The following ITGAE variants were observed in gnomAD, a reference collection of about 807,000 sequenced individuals.
ITGAE encodes the protein integrin subunit alpha E, also known as integrin alpha-E.
ITGAE carries 99 observed loss-of-function variants against 136.5 expected under a neutral mutation model. The ratio of observed to expected loss-of-function variants is 0.73; its 90% CI spans 0.62 to 0.86. The LOEUF is 0.86. Ranked by LOEUF, ITGAE falls within the 40% of genes least tolerant of loss-of-function variation. The pLI, the probability that ITGAE is intolerant of heterozygous loss-of-function variation, is 0.00. For missense variants in ITGAE, 1,447 were observed against 1,515.3 expected (o/e 0.95, Z 0.75); for synonymous variants, 613 against 591.8 (o/e 1.04, Z -0.52).
At chr17:3,741,568 C>G (rs1267700958) in intron 19 of ITGAE, among the ~76,000 whole-genome samples, 2 of 152,108 alleles carry the variant, frequency 1.3e-5, no homozygotes, top group Non-Finnish European at 2.9e-5. Flanking sequence ...TTTTAAAAAT[C>G]TCTTTGCCAT....
rs183128688 is a variant in ITGAE, at chr17:3,779,473, G to A, written c.35-1813C>T. On this transcript the variant is annotated intron_variant, in intron 1 of 30. Coordinates refer to ENST00000263087, the MANE Select transcript of ITGAE (RefSeq NM_002208.5). ...CTCCCACATAGCTGGGATTACAGGC[G>A]CCTGCCACCATGCCCGGCTAATTTT... 5.4e-4 allele frequency among the ~76,000 whole-genome samples: 82 copies of A among 151,526 alleles called. 1 individual carries two copies. The South Asian group carries it at 0.014, about 26-fold the overall frequency.
At chr17:3,728,753 C>T (rs1020208267) in intron 24 of ITGAE, among the ~76,000 whole-genome samples, 12 of 150,326 alleles carry the variant, frequency 8.0e-5, no homozygotes, top group African/African-American at 2.0e-4. Flanking sequence ...GGAATGAGGC[C>T]GGGTGCAGTG....
chr17:3,761,791 G>C (rs751811631), intron 4 of ITGAE, 124 bp downstream of exon 4: 66 of 865,886 alleles, frequency 7.6e-5, no homozygotes, highest in Non-Finnish European at 1.2e-4. Context: ...GTTGGCACCA[G>C]GGAGACGCTA....
At position 3,739,442 on chromosome 17, in the gene ITGAE, G is replaced by C. The variant is rs1461006915; in HGVS notation, c.2522+363C>G. ...GATTGATTAGTTAATTTGGCCAAGAGGTGGGCCGGGAAAGAGGTTACCTCT... is the reference window on the plus strand; with the variant it reads ...GATTGATTAGTTAATTTGGCCAAGACGTGGGCCGGGAAAGAGGTTACCTCT... On this transcript the variant is annotated intron_variant, in intron 20 of 30. Coordinates refer to ENST00000263087, the MANE Select transcript of ITGAE (RefSeq NM_002208.5). 4.6e-5 allele frequency among the ~76,000 whole-genome samples: 7 copies of C among 152,346 alleles called. No homozygotes were observed. The East Asian group carries it at 1.2e-3, about 25-fold the overall frequency.
At position 3,751,717 on chromosome 17, in the gene ITGAE, C is replaced by A; in HGVS notation, c.1826G>T (p.Gly609Val). 1.2e-6 allele frequency: 2 copies of A among 1,614,056 alleles called. No homozygotes were observed. Among genetic ancestry groups the A allele is most frequent in the Non-Finnish European group, 1.7e-6 (2 of 1,179,986 alleles). ...GATATACACACTGCCGAAGCTGGCA[C>A]CATCATCTGCCCCAAAACCTTCCAG... is the stretch of plus-strand genomic sequence containing the variant. ...APLEGFGADD[G>V]ASFGSVYIYN... Residue 609 changes from glycine to valine, a missense_variant, in exon 15 of 31, where the codon GGT becomes GTT. By Grantham distance (109) the Gly-to-Val change is moderately radical (BLOSUM62 -3). Transcript: ENST00000263087.
Position 3,743,594 on chromosome 17 carries a change from G to A in ITGAE, c.2343C>T (p.Ser781=), listed in dbSNP as rs762956018. 6.2e-7 allele frequency: 1 copy of A among 1,613,460 alleles called. No homozygotes were observed. The highest frequency in any genetic ancestry group is 8.5e-7 in the Non-Finnish European group (1 of 1,179,766). Residue 781 remains serine (S), a synonymous_variant, in exon 19 of 31, where the codon TCC becomes TCT. Coordinates refer to ENST00000263087, the MANE Select transcript of ITGAE (RefSeq NM_002208.5). The part of the protein sequence containing the change: ...EGELCEEDCF[S]NASVKVSYQL... ...GGTAGCTGACTTTGACACTGGCATT[G>A]GAGAAGCAGTCCTCCTCACAGAGCT...
intron 28 of ITGAE, among the ~76,000 whole-genome samples, chr17:3,722,131 A>C (rs1269641039): frequency 6.6e-6 from 1 of 151,384 alleles, no homozygotes; most frequent in Non-Finnish European, 1.5e-5. Context: ...GTGAGCCGAG[A>C]TCGTGCCATT....
At chr17:3,725,597 A>C in intron 26 of ITGAE, 1 of 1,614,174 alleles carries the variant, frequency 6.2e-7, no homozygotes. Flanking sequence ...ACCGCACAGA[A>C]GGCTTTATCG....
At position 3,760,242 on chromosome 17, in the gene ITGAE, G is replaced by C. The variant is rs2052132025; in HGVS notation, c.644C>G (p.Pro215Arg). Residue 215 changes from proline (P) to arginine (R), a missense_variant, in exon 7 of 31, where the codon CCC becomes CGC. Physicochemically the swap from Pro to Arg is moderately radical, Grantham distance 103. Transcript: ENST00000263087. ...GTCTTTGGCTCTCTGAAAGTCTGGG[G>C]GATCAATGCTTCCTGAGCCATCCAG... ...IILDGSGSID[P>R]PDFQRAKDFI... 1 of 1,613,692 alleles carries C rather than the reference G, an allele frequency of 6.2e-7. No homozygotes were observed.
chr17:3,779,312 G>A (rs1177943064), intron 1 of ITGAE, among the ~76,000 whole-genome samples: 1 of 145,556 alleles, frequency 6.9e-6, no homozygotes, highest in African/African-American at 2.6e-5. Context: ...ACTTAAGTCA[G>A]CAATTTATTT....
intron 18 of ITGAE, among the ~76,000 whole-genome samples, chr17:3,744,308 G>T (rs1186553319): frequency 6.6e-6 from 1 of 152,138 alleles, no homozygotes; most frequent in Non-Finnish European, 1.5e-5. Context: ...CAAGTGCTTT[G>T]GGAAAAATCT....
chr17:3,768,845 T>C (rs762025762), intron 2 of ITGAE, among the ~76,000 whole-genome samples: 14 of 152,160 alleles, frequency 9.2e-5, no homozygotes, highest in Middle Eastern at 3.2e-3. Flanking sequence ...TCCCAGGGTC[T>C]GGAGCAATGC....
chr17:3,799,714 T>A lies in ITGAE; in HGVS notation c.34+1397A>T, dbSNP rs2143570109. Reference sequence around the variant, plus strand: ...TCAAAGCCACAAGCCATAAAAAGAGTGAGACTCTCTCCACACCCCACATGT... The same window carrying A: ...TCAAAGCCACAAGCCATAAAAAGAGAGAGACTCTCTCCACACCCCACATGT... On this transcript the variant is annotated intron_variant, in intron 1 of 30. Coordinates refer to ENST00000263087, the MANE Select transcript of ITGAE (RefSeq NM_002208.5). The surrounding 1 kb of genome is among the most constrained non-coding windows in gnomAD (Gnocchi z 4.1). Among the ~76,000 whole-genome samples, 1 of 152,080 alleles carries A rather than the reference T, an allele frequency of 6.6e-6. No individual in the cohort carries two copies. The highest frequency in any genetic ancestry group is 1.5e-5 in the Non-Finnish European group (1 of 67,984).
intron 2 of ITGAE, among the ~76,000 whole-genome samples, chr17:3,772,780 C>T (rs2052457282): frequency 6.6e-6 from 1 of 152,066 alleles, no homozygotes; most frequent in African/African-American, 2.4e-5. Flanking sequence ...AGACTTTTGA[C>T]TGCACCGATG....
chr17:3,768,429 A>G (rs2052348454), intron 2 of ITGAE, among the ~76,000 whole-genome samples: 1 of 151,942 alleles, frequency 6.6e-6, no homozygotes, highest in Admixed American at 6.6e-5. Flanking sequence ...AGTTTCAGGC[A>G]TGAGCCACAG....
At chr17:3,762,209 G>A (rs1425274720) in intron 3 of ITGAE, among the ~76,000 whole-genome samples, 3 of 152,182 alleles carry the variant, frequency 2.0e-5, no homozygotes, top group East Asian at 1.9e-4. Context: ...CTTTCAACAC[G>A]TGCCCATTGA....
At chr17:3,749,383 G>A (rs2051804763) in intron 16 of ITGAE, among the ~76,000 whole-genome samples, 1 of 151,952 alleles carries the variant, frequency 6.6e-6, no homozygotes, top group Non-Finnish European at 1.5e-5. Flanking sequence ...CTCCCGAGTC[G>A]CTGGGACTAT....
intron 1 of ITGAE, among the ~76,000 whole-genome samples, chr17:3,797,382 G>A (rs1409182042): frequency 6.6e-6 from 1 of 150,816 alleles, no homozygotes; most frequent in Admixed American, 6.6e-5. Flanking sequence ...AGCCAGGATG[G>A]TCTCGATCTC....
chr17:3,735,197 C>T (rs1390571972), intron 20 of ITGAE, among the ~76,000 whole-genome samples: 5 of 152,064 alleles, frequency 3.3e-5, no homozygotes, highest in Admixed American at 2.6e-4. Flanking sequence ...GACGGAGTTT[C>T]GTTCTTGTTG....
Sources: allele counts gnomAD v4.1 joint callset (sites outside exome capture counted in the v4.1 genomes callset), GRCh38; gene constraint gnomAD v4.1.1; non-coding constraint Gnocchi (gnomAD v3.1); transcripts MANE v1.5; gene names NCBI Gene and HGNC (gene_info 2026-07-23, HGNC 2026-07-21).